Variants in FOXRED2 observed in about 807,000 individuals in gnomAD.
FOXRED2 encodes FAD-dependent oxidoreductase domain-containing protein 2.
In FOXRED2, 32 loss-of-function variants were observed where a neutral mutation model predicts 52.5. That is an observed-to-expected ratio of 0.61 (90% confidence interval 0.46 to 0.82). The LOEUF is 0.82. Ranked by LOEUF, FOXRED2 falls within the 40% of genes least tolerant of loss-of-function variation. The pLI, the probability that FOXRED2 is intolerant of heterozygous loss-of-function variation, is 0.00. For missense variants in FOXRED2, 848 were observed against 937.5 expected (o/e 0.90, Z 1.25); for synonymous variants, 405 against 398.1 (o/e 1.02, Z -0.21).
rs749397210 is a variant in FOXRED2 at position 36,495,976 on chromosome 22, G to C, written c.1615C>G (p.Leu539Val). ...LHPVIYYYRY[L>V]PTEQEVRFRP... ...GCAGAGACCTGCTCACCGGTGGGGA[G>C]GTATCTATAGTAGTAGATGACAGGA... The change falls in exon 7 of 9, where the codon CTC becomes GTC. Residue 539 changes from leucine to valine, a missense_variant. Transcript: ENST00000397224. 3.9e-5 allele frequency: 63 copies of C among 1,613,802 alleles called. No homozygotes were observed. The highest frequency in any genetic ancestry group is 5.3e-5 in the Non-Finnish European group (62 of 1,179,772).
chr22:36,498,379 T>C, intron 5 of FOXRED2: 1 of 557,902 alleles, frequency 1.8e-6, no homozygotes, highest in Non-Finnish European at 3.2e-6. Context: ...CAATCCATAT[T>C]CTCTGCTTTG....
chr22:36,504,529 G>A lies in FOXRED2; in HGVS notation c.765C>T (p.Tyr255=), dbSNP rs144512604. The A allele has an allele frequency of 2.0e-5, 33 of 1,614,162 alleles. No individual in the cohort carries two copies. The highest frequency in any genetic ancestry group is 1.5e-4 in the African/African-American group (11 of 75,044). Residue 255 remains tyrosine (Y), a synonymous_variant, in exon 3 of 9, where the codon TAC becomes TAT. Coordinates refer to ENST00000397224, the MANE Select transcript of FOXRED2 (RefSeq NM_001102371.2). Reference sequence around the variant, plus strand: ...ATGTGGCCTACCTGAGGTCTCCAACGTAGTGGGTGGCCCAGGACAGACGGA... The same window carrying A: ...ATGTGGCCTACCTGAGGTCTCCAACATAGTGGGTGGCCCAGGACAGACGGA... ...SRVRLSWATH[Y]VGDLRAINNG...
In FOXRED2 at chr22:36,497,509, T is replaced by C. The variant is rs541821024; in HGVS notation, c.1382+482A>G. Among the ~76,000 whole-genome samples, 14 of 152,180 alleles carry C rather than the reference T, an allele frequency of 9.2e-5. No homozygotes were observed. In the South Asian group the frequency reaches 2.9e-3, roughly 32 times the overall value. ...CTCCCTTGCTTCTCCCTGCCACCTG[T>C]CTCCCCCCGCCCCTCACCCCTCTGT... On this transcript the variant is annotated intron_variant, in intron 6 of 8. Transcript: ENST00000397224.
Position 36,496,200 on chromosome 22 carries a change from G to A in FOXRED2, c.1391C>T (p.Thr464Met), listed in dbSNP as rs371145700. ...GAACTCCTCCAGGTACTCAAAGGCC[G>A]TGGAATTCCTGGGAGAACAGCAACG... Reference protein sequence around the residue: ...ADVILLKENSTAFEYLEEFPI... With the variant: ...ADVILLKENSMAFEYLEEFPI... Residue 464 changes from threonine (T) to methionine (M), a missense_variant, in exon 7 of 9, where the codon ACG (threonine) becomes ATG (methionine). By Grantham distance (81) the Thr-to-Met change is moderately conservative (BLOSUM62 -1). Coordinates refer to ENST00000397224, the MANE Select transcript of FOXRED2 (RefSeq NM_001102371.2). 18 of 1,613,580 alleles carry A rather than the reference G, an allele frequency of 1.1e-5. No homozygotes were observed. Among genetic ancestry groups the A allele is most frequent in the African/African-American group, 8.0e-5 (6 of 74,918 alleles).
At chr22:36,494,905 G>A (rs1359976687) in intron 7 of FOXRED2, among the ~76,000 whole-genome samples, 2 of 151,850 alleles carry the variant, frequency 1.3e-5, no homozygotes, top group South Asian at 2.1e-4. Context: ...CCAAAATGCT[G>A]GGATTACAGG....
In FOXRED2 at chr22:36,490,179, G is replaced by C; in HGVS notation, c.1884C>G (p.Thr628=). Residue 628 remains threonine (T), a synonymous_variant, in exon 9 of 9, where the codon ACC becomes ACG. Transcript: ENST00000397224. ...CCACTCTGTGCTGCCAAAGGCTCTCGGTACTCACGAGTCCCTGCATCCTCA... is the reference window on the plus strand; with the variant it reads ...CCACTCTGTGCTGCCAAAGGCTCTCCGTACTCACGAGTCCCTGCATCCTCA... ...GYLRMQGLVS[T]ESLWQHRVES... 1 of 1,614,110 alleles carries C rather than the reference G, an allele frequency of 6.2e-7. No individual in the cohort carries two copies. The highest frequency in any genetic ancestry group is 8.5e-7 in the Non-Finnish European group (1 of 1,179,972).
At position 36,490,034 on chromosome 22, in the gene FOXRED2, C is replaced by G; in HGVS notation, c.2029G>C (p.Val677Leu). Residue 677 changes from valine (V) to leucine (L), a missense_variant, in exon 9 of 9, where the codon GTC becomes CTC. Transcript: ENST00000397224. ...CAGAGCTCCTCTTTGTTGCTATCGA[C>G]GGACTGAGCCAGAGGCCCTGGAGCC... ...PLAPGPLAQS[V>L]DSNKEEL The G allele has an allele frequency of 6.3e-7, 1 of 1,599,970 alleles. No individual in the cohort carries two copies. Among genetic ancestry groups the G allele is most frequent in the Non-Finnish European group, 8.5e-7 (1 of 1,171,212 alleles).
At chr22:36,498,307 G>T (rs192772262) in intron 5 of FOXRED2, 151 bp from the exon 6 acceptor site, 73 of 813,162 alleles carry the variant, frequency 9.0e-5, no homozygotes, top group South Asian at 3.5e-4. Flanking sequence ...GAACACATGA[G>T]GGGAGGAGAT....
At chr22:36,503,947 C>G (rs566448128) in intron 4 of FOXRED2, 151 bp downstream of exon 4, 2 of 903,006 alleles carry the variant, frequency 2.2e-6, no homozygotes, top group South Asian at 3.3e-5. Context: ...GAGCTCATGT[C>G]CTGGAGGGAA....
chr22:36,504,945 T>G (rs776101383), intron 2 of FOXRED2, among the ~76,000 whole-genome samples, 179 bp from the exon 3 acceptor site: 3 of 152,180 alleles, frequency 2.0e-5, no homozygotes, highest in Non-Finnish European at 4.4e-5. Context: ...CTCATCCCAG[T>G]GCACTTGAGA....
rs752851543 is a variant in FOXRED2 at position 36,504,377 on chromosome 22, C to T, written c.780-10G>A. 2.5e-6 allele frequency: 4 copies of T among 1,613,330 alleles called. No individual in the cohort carries two copies. The South Asian group carries it at 4.4e-5, about 18-fold the overall frequency. ...GCCATTGTTGATGGCTCTGAGCCCA[C>T]AGAGAATGCAGGGGAGAGAGACTCA... On this transcript the variant is annotated splice_polypyrimidine_tract_variant and intron_variant, in intron 3 of 8. Coordinates refer to ENST00000397224, the MANE Select transcript of FOXRED2 (RefSeq NM_001102371.2).
At position 36,489,781 on chromosome 22, in the gene FOXRED2, G is replaced by T; in HGVS notation, c.*227C>A. On this transcript the variant is annotated 3_prime_UTR_variant, in exon 9 of 9. Coordinates refer to ENST00000397224, the MANE Select transcript of FOXRED2 (RefSeq NM_001102371.2). ...GGGCTGGGGAAGGCAGCTCCCACCT[G>T]GCAGAGGATGCCCTTCTGCCCCCTG... 2.2e-6 allele frequency: 1 copy of T among 456,434 alleles called. No homozygotes were observed. The highest frequency in any genetic ancestry group is 3.9e-6 in the Non-Finnish European group (1 of 258,188). 28.3% of individuals were successfully genotyped at this position (456,434 alleles called of 1,614,324 possible). A position where few individuals can be genotyped will look rare whatever the true frequency, so the allele number is the denominator to read the frequency against.
In FOXRED2 at chr22:36,488,107, GAAAA is replaced by G. The variant is rs1371586215; in HGVS notation, c.*1897_*1900del. The stretch of plus-strand genomic sequence containing the variant: ...AATCCATTGCAAAAAAAAAAAAAAA[GAAAA>G]AGAAAAAGTCTGGACCAAGCCAAGA... On this transcript the variant is annotated 3_prime_UTR_variant, in exon 9 of 9. Transcript: ENST00000397224. 7.0e-6 allele frequency: 1 copy of G among 143,826 alleles called. No individual in the cohort carries two copies. The highest frequency in any genetic ancestry group is 1.5e-5 in the Non-Finnish European group (1 of 65,242). The allele number at this position is 143,826 out of a possible 1,614,324, so 8.9% of individuals were successfully genotyped here.
chr22:36,490,165 T>C lies in FOXRED2; in HGVS notation c.1898A>G (p.Gln633Arg), dbSNP rs1220671581. Residue 633 changes from glutamine (Q) to arginine (R), a missense_variant, in exon 9 of 9, where the codon CAG (glutamine) becomes CGG (arginine). Transcript: ENST00000397224. ...CAGGAGCCTGCTCTCCACTCTGTGC[T>C]GCCAAAGGCTCTCGGTACTCACGAG... is the stretch of plus-strand genomic sequence containing the variant. ...QGLVSTESLWQHRVESRLLRD... is the reference protein window; with the variant it reads ...QGLVSTESLWRHRVESRLLRD... 3 of 1,614,022 alleles carry C rather than the reference T, an allele frequency of 1.9e-6. No homozygotes were observed. The highest frequency in any genetic ancestry group is 2.5e-6 in the Non-Finnish European group (3 of 1,179,994).
rs1275089326 is a variant in FOXRED2, at chr22:36,491,850, A to T, written c.1796-1583T>A. Among the ~76,000 whole-genome samples, 5 of 152,170 alleles carry T rather than the reference A, an allele frequency of 3.3e-5. No individual in the cohort carries two copies. In the East Asian group the frequency reaches 9.6e-4, roughly 29 times the overall value. Reference sequence around the variant, plus strand: ...AAAAGTCATTTAGCCAAGTACTTATAAGACTTTAAACAAACAGAAGAGCTG... The same window carrying T: ...AAAAGTCATTTAGCCAAGTACTTATTAGACTTTAAACAAACAGAAGAGCTG... On this transcript the variant is annotated intron_variant, in intron 8 of 8. Transcript: ENST00000397224.
At chr22:36,493,570 G>A in intron 8 of FOXRED2, 63 bp downstream of exon 8, 2 of 1,463,146 alleles carry the variant, frequency 1.4e-6, no homozygotes, top group South Asian at 1.2e-5. Context: ...CGGGTCTTGG[G>A]TCTCTGTGAC....
At chr22:36,505,584 C>T (rs1490642067) in intron 2 of FOXRED2, among the ~76,000 whole-genome samples, 1 of 152,006 alleles carries the variant, frequency 6.6e-6, no homozygotes, top group Non-Finnish European at 1.5e-5. Flanking sequence ...GCCTGGCCAA[C>T]GTCGTGAAAT....
At chr22:36,495,832 G>A in intron 7 of FOXRED2, 135 bp downstream of exon 7, 1 of 931,396 alleles carries the variant, frequency 1.1e-6, no homozygotes, top group Non-Finnish European at 1.7e-6. Flanking sequence ...TGCCCAAGTG[G>A]TCTCTAGGCA....
intron 5 of FOXRED2, among the ~76,000 whole-genome samples, chr22:36,499,175 C>T (rs1346901650): frequency 6.6e-6 from 1 of 152,176 alleles, no homozygotes; most frequent in African/African-American, 2.4e-5. Flanking sequence ...CCAGCCTCAG[C>T]CTCCCAAAAT....
Sources: gnomAD v4.1 joint callset for allele counts (sites outside exome capture counted in the v4.1 genomes callset) on GRCh38, gnomAD v4.1.1 for gene constraint, MANE v1.5 for transcripts, NCBI Gene and HGNC (gene_info 2026-07-23, HGNC 2026-07-21) for gene names.